ENTREP2: variants seen among roughly 807,000 people sequenced by gnomAD.
ENTREP2 encodes the protein protein ENTREP2.
chr15:29,354,443 CCTTTT>C, the ENTREP2 span, among the ~76,000 whole-genome samples: 510 of 152,294 alleles, frequency 3.3e-3, 5 homozygotes, highest in African/African-American at 0.012. Flanking sequence ...AATACACTTT[CCTTTT>C]AAGAATGTAT....
the ENTREP2 span, among the ~76,000 whole-genome samples, chr15:29,173,562 C>A: frequency 6.6e-6 from 1 of 152,102 alleles, no homozygotes; most frequent in African/African-American, 2.4e-5. Flanking sequence ...GGAAGCCCTC[C>A]TGGGAGGATT....
the ENTREP2 span, among the ~76,000 whole-genome samples, chr15:29,223,806 C>T: frequency 2.0e-5 from 3 of 152,284 alleles, no homozygotes; most frequent in East Asian, 3.9e-4. Flanking sequence ...AGGAAGGCCT[C>T]ATCCTTCTAC....
At chr15:29,514,872 G>A in the ENTREP2 span, among the ~76,000 whole-genome samples, 1 of 152,184 alleles carries the variant, frequency 6.6e-6, no homozygotes, top group Non-Finnish European at 1.5e-5. Context: ...TCTGTTTTCA[G>A]AGGCACTTGT....
chr15:29,192,363 T>C, the ENTREP2 span, among the ~76,000 whole-genome samples: 1 of 152,180 alleles, frequency 6.6e-6, no homozygotes, highest in African/African-American at 2.4e-5. Context: ...AAAAATGATG[T>C]AGAACATTAT....
chr15:29,522,858 G>A, the ENTREP2 span, among the ~76,000 whole-genome samples: 1 of 152,132 alleles, frequency 6.6e-6, no homozygotes, highest in Non-Finnish European at 1.5e-5. Flanking sequence ...AACAGTTGAA[G>A]GTGATCATTA....
chr15:29,345,447 G>A, the ENTREP2 span, among the ~76,000 whole-genome samples: 10 of 151,892 alleles, frequency 6.6e-5, no homozygotes, highest in African/African-American at 2.2e-4. Flanking sequence ...CCCCACCTCC[G>A]CTCCCCGCCA....
At chr15:29,368,359 TC>T in the ENTREP2 span, among the ~76,000 whole-genome samples, 1 of 150,066 alleles carries the variant, frequency 6.7e-6, no homozygotes, top group African/African-American at 2.5e-5. Context: ...TATATCTAGC[TC>T]ACATATACAT....
chr15:29,309,470 C>A, the ENTREP2 span, among the ~76,000 whole-genome samples: 2 of 152,108 alleles, frequency 1.3e-5, no homozygotes, highest in African/African-American at 4.8e-5. Context: ...TGAACCCTGG[C>A]TTTCTTCTCT....
At chr15:29,485,338 T>G in the ENTREP2 span, among the ~76,000 whole-genome samples, 1 of 152,152 alleles carries the variant, frequency 6.6e-6, no homozygotes, top group African/African-American at 2.4e-5. Context: ...GCATTCCCAG[T>G]GCAGGACCTG....
At chr15:29,220,071 G>GA in the ENTREP2 span, among the ~76,000 whole-genome samples, 1 of 152,158 alleles carries the variant, frequency 6.6e-6, no homozygotes, top group Non-Finnish European at 1.5e-5. Context: ...GTAGAGAGGC[G>GA]AGACAGTAGG....
chr15:29,492,532 C>G, the ENTREP2 span, among the ~76,000 whole-genome samples: 1 of 152,112 alleles, frequency 6.6e-6, no homozygotes, highest in South Asian at 2.1e-4. Context: ...CAGGCAGATA[C>G]CTCAAGAGCC....
At chr15:29,323,303 GTGGT>G in the ENTREP2 span, among the ~76,000 whole-genome samples, 1 of 152,146 alleles carries the variant, frequency 6.6e-6, no homozygotes, top group African/African-American at 2.4e-5. Context: ...CCAATAGCCA[GTGGT>G]TTAATCAATC....
At chr15:29,674,133 G>GGC in the ENTREP2 span, among the ~76,000 whole-genome samples, 4 of 148,690 alleles carry the variant, frequency 2.7e-5, no homozygotes. Flanking sequence ...GAGGATGGGG[G>GGC]GGGGGGGGGG....
At chr15:29,510,226 G>A in the ENTREP2 span, among the ~76,000 whole-genome samples, 8 of 152,114 alleles carry the variant, frequency 5.3e-5, no homozygotes, top group African/African-American at 7.2e-5. Context: ...TTAGAATGGC[G>A]ATCATTAAAA....
At chr15:29,407,125 C>A in the ENTREP2 span, among the ~76,000 whole-genome samples, 1 of 152,182 alleles carries the variant, frequency 6.6e-6, no homozygotes, top group African/African-American at 2.4e-5. Flanking sequence ...AATGCACTTA[C>A]ACAAACCTAG....
the ENTREP2 span, among the ~76,000 whole-genome samples, chr15:29,156,160 G>A: frequency 6.6e-6 from 1 of 152,012 alleles, no homozygotes; most frequent in Non-Finnish European, 1.5e-5. Context: ...TGTTGTTGTT[G>A]TTTGTGGTGG....
At chr15:29,249,647 T>C in the ENTREP2 span, among the ~76,000 whole-genome samples, 1 of 152,200 alleles carries the variant, frequency 6.6e-6, no homozygotes, top group Non-Finnish European at 1.5e-5. Flanking sequence ...ATGTGTTGTA[T>C]AGGTTTTGCA....
At chr15:29,369,839 G>T in the ENTREP2 span, among the ~76,000 whole-genome samples, 1 of 152,152 alleles carries the variant, frequency 6.6e-6, no homozygotes, top group East Asian at 1.9e-4. Context: ...CACAAGACTG[G>T]GTTAGTTCTC....
the ENTREP2 span, among the ~76,000 whole-genome samples, chr15:29,377,864 A>ATAATAATAATAAT: frequency 6.1e-3 from 625 of 103,298 alleles, 2 homozygotes; most frequent in Non-Finnish European, 9.4e-3. Context: ...AATAATAATA[A>ATAATAATAATAAT]AAAAATGAGC....
Sources: gnomAD v4.1 joint callset for allele counts (sites outside exome capture counted in the v4.1 genomes callset) on GRCh38, gnomAD v4.1.1 for gene constraint, MANE v1.5 for transcripts, NCBI Gene and HGNC (gene_info 2026-07-23, HGNC 2026-07-21) for gene names.